MBTD1: variants seen among roughly 807,000 people sequenced by gnomAD.
MBTD1 encodes the protein MBT domain-containing protein 1.
In MBTD1, 24 loss-of-function variants were observed where a neutral mutation model predicts 87.8. The observed-to-expected ratio is 0.27, with a 90% CI of 0.20 to 0.38. MBTD1 has a LOEUF of 0.38. Among genes scored for constraint, MBTD1 ranks in the 10% least tolerant of loss-of-function variants. The pLI is 1.00. For missense variants in MBTD1, 436 were observed against 760.2 expected (o/e 0.57, Z 5.02); for synonymous variants, 237 against 248.6 (o/e 0.95, Z 0.44).
chr17:51,237,295 C>CAAAAAAAAA (rs368805446), intron 2 of MBTD1, among the ~76,000 whole-genome samples: 2 of 60,474 alleles, frequency 3.3e-5, no homozygotes, highest in African/African-American at 5.5e-5. Context: ...GACTCCATCT[C>CAAAAAAAAA]AAAAAAAAAA....
At chr17:51,253,806 C>G (rs1289407805) in intron 2 of MBTD1, among the ~76,000 whole-genome samples, 1 of 152,106 alleles carries the variant, frequency 6.6e-6, no homozygotes, top group African/African-American at 2.4e-5. Context: ...GTAAACCATC[C>G]TCCCTATGAA....
At chr17:51,224,978 G>A in intron 3 of MBTD1, 30 bp downstream of exon 3, 1 of 1,424,004 alleles carries the variant, frequency 7.0e-7, no homozygotes, top group Non-Finnish European at 9.5e-7. Flanking sequence ...ACATAAAGCT[G>A]TAGAACAGGT....
intron 16 of MBTD1, among the ~76,000 whole-genome samples, chr17:51,190,997 C>T (rs2050780559): frequency 6.6e-6 from 1 of 151,458 alleles, no homozygotes; most frequent in Non-Finnish European, 1.5e-5. Flanking sequence ...GGTGGGAGGA[C>T]TGCTTGAGCC....
At chr17:51,200,100 C>T (rs1212600009) in intron 12 of MBTD1, among the ~76,000 whole-genome samples, 1 of 152,198 alleles carries the variant, frequency 6.6e-6, no homozygotes, top group Non-Finnish European at 1.5e-5. Context: ...GCTGGGATTA[C>T]AAGTGTGAGC....
At chr17:51,196,583 C>G (rs2145131638) in intron 12 of MBTD1, among the ~76,000 whole-genome samples, 1 of 152,038 alleles carries the variant, frequency 6.6e-6, no homozygotes, top group Non-Finnish European at 1.5e-5. Flanking sequence ...TAATGTTTCC[C>G]AATTTCCACT....
At chr17:51,199,051 G>C (rs11870136) in intron 12 of MBTD1, among the ~76,000 whole-genome samples, 92,647 of 151,880 alleles carry the variant, frequency 0.61, 29,711 homozygotes, top group African/African-American at 0.82. Context: ...CTGCCTTGGA[G>C]TCCCAAAGTG....
At chr17:51,195,507 A>T (rs922023036) in intron 12 of MBTD1, 146 bp from the exon 13 acceptor site, 1 of 576,896 alleles carries the variant, frequency 1.7e-6, no homozygotes, top group Non-Finnish European at 2.9e-6. Flanking sequence ...TATGTTAAAT[A>T]ACAGAAGTTC....
At chr17:51,222,805 A>G (rs1339368600) in intron 3 of MBTD1, among the ~76,000 whole-genome samples, 1 of 150,132 alleles carries the variant, frequency 6.7e-6, no homozygotes, top group East Asian at 2.0e-4. Context: ...TGAGCTGTTC[A>G]TAATTTTTTT....
upstream of MBTD1, chr17:51,260,562 T>C: frequency 6.2e-7 from 1 of 1,600,292 alleles, no homozygotes. Context: ...CGTGAGCGCC[T>C]GCGTTTCTCC....
At chr17:51,232,572 C>T (rs995435066) in intron 2 of MBTD1, among the ~76,000 whole-genome samples, 1 of 152,092 alleles carries the variant, frequency 6.6e-6, no homozygotes, top group Admixed American at 6.5e-5. Flanking sequence ...ACATGATAAA[C>T]ACTCAAAATG....
At chr17:51,242,530 G>A (rs2054215607) in intron 2 of MBTD1, among the ~76,000 whole-genome samples, 1 of 152,142 alleles carries the variant, frequency 6.6e-6, no homozygotes, top group African/African-American at 2.4e-5. Context: ...TTTCAATGTG[G>A]TTGTTACTGA....
At chr17:51,196,561 T>A (rs985507008) in intron 12 of MBTD1, among the ~76,000 whole-genome samples, 3 of 151,978 alleles carry the variant, frequency 2.0e-5, no homozygotes, top group African/African-American at 7.3e-5. Flanking sequence ...CAAAAGACCA[T>A]CTCTTATACT....
chr17:51,202,044 G>A lies in MBTD1; in HGVS notation c.1097C>T (p.Thr366Ile), dbSNP rs1598320402. The A allele has an allele frequency of 6.2e-7, 1 of 1,606,606 alleles. No homozygotes were observed. Among genetic ancestry groups the A allele is most frequent in the Non-Finnish European group, 8.5e-7 (1 of 1,174,108 alleles). ...TACCTTAGCAAATAAATGTGGTGGT[G>A]TATCAAAATGTCCATCCTGTTTCTT... Reference protein sequence around the residue: ...ITKKQDGHFDTPPHLFAKVKE... With the variant: ...ITKKQDGHFDIPPHLFAKVKE... The change falls in exon 11 of 17, where the codon ACA (threonine) becomes ATA (isoleucine). Residue 366 changes from threonine (T) to isoleucine (I), a missense_variant. Around this residue, in one of 5 missense-constraint regions of MBTD1, gnomAD observed 268 missense variants for 401.8 expected, o/e 0.67. Coordinates refer to ENST00000586178, the MANE Select transcript of MBTD1 (RefSeq NM_017643.3).
chr17:51,238,172 G>GT (rs1313271887), intron 2 of MBTD1, among the ~76,000 whole-genome samples: 29 of 152,250 alleles, frequency 1.9e-4, no homozygotes, highest in African/African-American at 6.0e-4. Flanking sequence ...CTAGATTGTG[G>GT]TGAAGGTTTC....
chr17:51,246,291 T>C (rs980596345), intron 2 of MBTD1, among the ~76,000 whole-genome samples: 6 of 152,226 alleles, frequency 3.9e-5, no homozygotes, highest in Non-Finnish European at 7.3e-5. Flanking sequence ...AAGTAAGGTT[T>C]GTGTACTCTG....
rs1568135782 is a variant in MBTD1, at chr17:51,179,500, A to ATATATATTTT, written c.*1075_*1076insAAAATATATA. Reference sequence around the variant, plus strand: ...AAGACAATTTTATATATATATATATATATATATATATATATATATATATAT... The same window carrying ATATATATTTT: ...AAGACAATTTTATATATATATATATATATATATTTTTATATATATATATATATATATATAT... On this transcript the variant is annotated 3_prime_UTR_variant, in exon 17 of 17. Transcript: ENST00000586178. The ATATATATTTT allele has an allele frequency of 5.1e-5, 3 of 58,530 alleles. No homozygotes were observed. Among genetic ancestry groups the ATATATATTTT allele is most frequent in the Non-Finnish European group, 9.9e-5 (3 of 30,222 alleles). 3.6% of individuals were successfully genotyped at this position (58,530 alleles called of 1,614,324 possible).
At chr17:51,260,707 G>A, upstream of MBTD1, 2 of 1,603,020 alleles carry the variant, frequency 1.2e-6, no homozygotes, top group Non-Finnish European at 8.5e-7. Flanking sequence ...CTCCCCAAAA[G>A]CCTGCCCCTT....
intron 16 of MBTD1, chr17:51,183,194 A>G (rs970980979): frequency 4.8e-5 from 6 of 125,182 alleles, no homozygotes; most frequent in African/African-American, 1.9e-4. Flanking sequence ...TTTTTTTAAG[A>G]TAGTCTCGCT....
chr17:51,210,229 G>T (rs1179289168), intron 6 of MBTD1, among the ~76,000 whole-genome samples: 1 of 151,860 alleles, frequency 6.6e-6, no homozygotes, highest in Non-Finnish European at 1.5e-5. Flanking sequence ...GACCTCAGAC[G>T]ATCTGCCTGC....
Sources: gnomAD v4.1 joint callset for allele counts (sites outside exome capture counted in the v4.1 genomes callset) on GRCh38, gnomAD v4.1.1 for gene constraint, gnomAD v4.1.1 regional missense constraint, MANE v1.5 for transcripts, NCBI Gene and HGNC (gene_info 2026-07-23, HGNC 2026-07-21) for gene names.